Variants in STX17 observed in about 807,000 individuals in gnomAD.
STX17 encodes syntaxin 17, also known as syntaxin-17.
A neutral mutation model predicts 35.9 loss-of-function variants in STX17; 29 were observed. The observed-to-expected ratio is 0.81, with a 90% CI of 0.60 to 1.10. The LOEUF is 1.10. STX17 is among the 50% of genes least tolerant of loss of function. The probability of loss-of-function intolerance (pLI) is 0.00; values close to 1 mark genes in which losing one functional copy is unlikely to be tolerated. For missense variants in STX17, 312 were observed against 352.3 expected, an observed-to-expected ratio of 0.89 and a Z score of 0.92; for synonymous variants, 92 against 118.3, an observed-to-expected ratio of 0.78 and a Z score of 1.44.
intron 3 of STX17, among the ~76,000 whole-genome samples, chr9:99,943,579 G>A (rs998700821): frequency 3.3e-5 from 5 of 152,198 alleles, no homozygotes; most frequent in African/African-American, 1.2e-4. Flanking sequence ...AAAGTGCTGA[G>A]ATTACAGGCG....
intron 4 of STX17, among the ~76,000 whole-genome samples, chr9:99,956,281 A>G (rs1038621464): frequency 1.3e-5 from 2 of 152,082 alleles, no homozygotes; most frequent in Non-Finnish European, 2.9e-5. Context: ...ATTTTTTTAG[A>G]TTAAGTATTA....
chr9:99,913,515 A>G (rs1244466799), intron 1 of STX17, among the ~76,000 whole-genome samples: 1 of 152,064 alleles, frequency 6.6e-6, no homozygotes, highest in Non-Finnish European at 1.5e-5. Flanking sequence ...TTACTGTTTC[A>G]TAATATCTAT....
At chr9:99,926,658 C>T (rs369012060) in intron 2 of STX17, among the ~76,000 whole-genome samples, 12 of 152,116 alleles carry the variant, frequency 7.9e-5, no homozygotes, top group South Asian at 4.2e-4. Flanking sequence ...TCACCACACC[C>T]GGCTAATTTT....
Position 99,960,131 on chromosome 9 carries a change from C to A in STX17, c.558C>A (p.Val186=). The A allele has an allele frequency of 6.2e-7, 1 of 1,613,994 alleles. No individual in the cohort carries two copies. Among genetic ancestry groups the A allele is most frequent in the Non-Finnish European group, 8.5e-7 (1 of 1,179,964 alleles). The change falls in exon 6 of 8, where the codon GTC becomes GTA. Residue 186 remains valine (V), a synonymous_variant. Coordinates refer to ENST00000259400, the MANE Select transcript of STX17 (RefSeq NM_017919.3). ...EADLIELSQL[V]TDFSLLVNSQ... Reference sequence around the variant, plus strand: ...ACTTAATTGAACTTAGCCAACTGGTCACTGACTTCTCTCTCCTAGTGAATG... The same window carrying A: ...ACTTAATTGAACTTAGCCAACTGGTAACTGACTTCTCTCTCCTAGTGAATG...
intron 3 of STX17, 98 bp downstream of exon 3, chr9:99,928,941 C>T (rs1347578873): frequency 9.9e-7 from 1 of 1,006,676 alleles, no homozygotes; most frequent in Non-Finnish European, 1.5e-6. Context: ...CCCTTTTATA[C>T]ACATTTGTTA....
intron 3 of STX17, among the ~76,000 whole-genome samples, chr9:99,943,826 A>T (rs1203307321): frequency 4.0e-5 from 6 of 151,820 alleles, no homozygotes; most frequent in Non-Finnish European, 5.9e-5. Context: ...TATCATAAAG[A>T]GTTAGAGGAT....
chr9:99,966,343 A>G (rs1414409469), intron 6 of STX17, among the ~76,000 whole-genome samples: 1 of 152,244 alleles, frequency 6.6e-6, no homozygotes, highest in Non-Finnish European at 1.5e-5. Flanking sequence ...AGATAGACAT[A>G]TTTTGTGTAT....
intron 6 of STX17, among the ~76,000 whole-genome samples, chr9:99,964,067 A>T (rs1013699781): frequency 2.6e-5 from 2 of 77,576 alleles, no homozygotes; most frequent in Non-Finnish European, 5.6e-5. Context: ...AGAACCTTAA[A>T]CTTTACAACT....
At position 99,915,131 on chromosome 9, in the gene STX17, G is replaced by A. The variant is rs892566086; in HGVS notation, c.-62-47G>A. ...AACTAATCGTTGGCTTTTAAAAATAGTGGAAACAGATTTGAAAACATTCTT... is the reference window on the plus strand; with the variant it reads ...AACTAATCGTTGGCTTTTAAAAATAATGGAAACAGATTTGAAAACATTCTT... On this transcript the variant is annotated intron_variant, in intron 1 of 7. Transcript: ENST00000259400. 4 of 1,266,086 alleles carry A rather than the reference G, an allele frequency of 3.2e-6. No individual in the cohort carries two copies. In the Admixed American group the frequency reaches 8.5e-5, roughly 27 times the overall value. The allele number at this position is 1,266,086 out of a possible 1,614,324, so 78.4% of individuals were successfully genotyped here. A position where few individuals can be genotyped will look rare whatever the true frequency, so the allele number is the denominator to read the frequency against.
At chr9:99,957,212 C>A (rs1285362778) in intron 4 of STX17, among the ~76,000 whole-genome samples, 2 of 152,074 alleles carry the variant, frequency 1.3e-5, no homozygotes, top group African/African-American at 4.8e-5. Flanking sequence ...TCTTCTTTGC[C>A]TAGTAACCTC....
intron 2 of STX17, among the ~76,000 whole-genome samples, chr9:99,917,829 A>G (rs1395910283): frequency 1.3e-5 from 2 of 152,198 alleles, no homozygotes; most frequent in Non-Finnish European, 1.5e-5. Flanking sequence ...AGTTATATGG[A>G]TAAGGTACAA....
rs1829588405 is a variant in STX17 at position 99,951,287 on chromosome 9, TA to T, written c.415+4del. The T allele has an allele frequency of 6.2e-7, 1 of 1,611,812 alleles. No homozygotes were observed. The highest frequency in any genetic ancestry group is 1.3e-5 in the African/African-American group (1 of 74,822). Reference sequence around the variant, plus strand: ...TGACCAGATCCATGACTGTTGGTGGTAATGTATTGTGCTAAGTCTTATTCTC... The same window carrying T: ...TGACCAGATCCATGACTGTTGGTGGTATGTATTGTGCTAAGTCTTATTCTC... On this transcript the variant is annotated splice_donor_region_variant and intron_variant, in intron 4 of 7. Coordinates refer to ENST00000259400, the MANE Select transcript of STX17 (RefSeq NM_017919.3).
At chr9:99,948,380 G>A (rs141105625) in intron 3 of STX17, among the ~76,000 whole-genome samples, 98 of 151,746 alleles carry the variant, frequency 6.5e-4, no homozygotes, top group African/African-American at 2.3e-3. Context: ...CTTTTTTAAT[G>A]TAATTTAAAA....
intron 2 of STX17, among the ~76,000 whole-genome samples, chr9:99,916,906 T>C (rs1035832154): frequency 1.3e-5 from 2 of 152,152 alleles, no homozygotes; most frequent in African/African-American, 4.8e-5. Flanking sequence ...GTTTATTCTA[T>C]ACAAAAATGC....
intron 7 of STX17, 126 bp downstream of exon 7, chr9:99,967,865 GAC>G (rs956424069): frequency 2.1e-5 from 16 of 772,748 alleles, no homozygotes; most frequent in Non-Finnish European, 2.0e-5. Context: ...AGGAAGAAAT[GAC>G]ACATAGGTAG....
chr9:99,961,416 A>G (rs1183272088), intron 6 of STX17, among the ~76,000 whole-genome samples: 1 of 152,216 alleles, frequency 6.6e-6, no homozygotes, highest in Non-Finnish European at 1.5e-5. Context: ...GGAGCCAAAG[A>G]TAAGGAACAT....
chr9:99,967,550 G>C, intron 6 of STX17, 103 bp from the exon 7 acceptor site: 1 of 852,108 alleles, frequency 1.2e-6, no homozygotes, highest in Non-Finnish European at 1.8e-6. Context: ...AAGATGGCAA[G>C]GCTGCAGTAC....
chr9:99,957,020 A>G (rs1829722228), intron 4 of STX17, among the ~76,000 whole-genome samples: 1 of 152,210 alleles, frequency 6.6e-6, no homozygotes, highest in South Asian at 2.1e-4. Context: ...GGTGTGCCAG[A>G]TAAAGTCCAA....
At chr9:99,955,507 T>C (rs926278916) in intron 4 of STX17, among the ~76,000 whole-genome samples, 3 of 152,104 alleles carry the variant, frequency 2.0e-5, no homozygotes, top group Admixed American at 6.6e-5. Flanking sequence ...CTGGAAAACA[T>C]TTCAGCAATG....
Sources: gnomAD v4.1 joint callset for allele counts (sites outside exome capture counted in the v4.1 genomes callset) on GRCh38, gnomAD v4.1.1 for gene constraint, MANE v1.5 for transcripts, NCBI Gene and HGNC (gene_info 2026-07-23, HGNC 2026-07-21) for gene names.